Variants in TP53BP1 observed in about 807,000 individuals in gnomAD.
TP53BP1 encodes the protein tumor protein p53 binding protein 1.
TP53BP1 carries 61 observed loss-of-function variants against 200.8 expected under a neutral mutation model. The observed-to-expected ratio is 0.30, with a 90% CI of 0.25 to 0.38. The LOEUF (loss-of-function observed/expected upper bound fraction) is 0.38, where lower values mean the gene tolerates loss of function less well. Among genes scored for constraint, TP53BP1 ranks in the 10% least tolerant of loss-of-function variants. TP53BP1 has a pLI of 1.00. For missense variants in TP53BP1, 2,144 were observed against 2,371.9 expected, an observed-to-expected ratio of 0.90 and a Z score of 2.00; for synonymous variants, 822 against 844.3, an observed-to-expected ratio of 0.97 and a Z score of 0.46.
intron 18 of TP53BP1, among the ~76,000 whole-genome samples, chr15:43,426,868 A>T (rs77174164): frequency 2.6e-5 from 4 of 151,188 alleles, no homozygotes; most frequent in African/African-American, 4.9e-5. Flanking sequence ...AAAAAAAAAA[A>T]TTAGCCAGGC....
At chr15:43,432,750 CAT>C in intron 16 of TP53BP1, 73 bp from the exon 17 acceptor site, 2 of 1,483,206 alleles carry the variant, frequency 1.3e-6, no homozygotes, top group South Asian at 1.3e-5. Context: ...TGTGCGTGTG[CAT>C]GTGTGTGTGT....
At chr15:43,423,702 C>T (rs1290867140) in intron 18 of TP53BP1, among the ~76,000 whole-genome samples, 1 of 151,568 alleles carries the variant, frequency 6.6e-6, no homozygotes, top group Admixed American at 6.6e-5. Flanking sequence ...TATAATGACA[C>T]ACATACATAT....
chr15:43,480,181 G>A (rs1595612025), intron 5 of TP53BP1, among the ~76,000 whole-genome samples, 164 bp from the exon 6 acceptor site: 1 of 152,218 alleles, frequency 6.6e-6, no homozygotes, highest in East Asian at 1.9e-4. Flanking sequence ...GAGCACGGTG[G>A]CTCACACCTA....
intron 11 of TP53BP1, among the ~76,000 whole-genome samples, chr15:43,465,564 G>GA (rs1053797009): frequency 6.6e-6 from 1 of 151,972 alleles, no homozygotes; most frequent in East Asian, 1.9e-4. Context: ...GAAGAACAGA[G>GA]AAAACAAAGG....
chr15:43,429,736 C>A (rs1474697595), intron 17 of TP53BP1, among the ~76,000 whole-genome samples: 1 of 152,156 alleles, frequency 6.6e-6, no homozygotes, highest in Non-Finnish European at 1.5e-5. Flanking sequence ...ATTTAAAATA[C>A]TTCTACATAC....
Position 43,475,352 on chromosome 15 carries a change from A to C in TP53BP1, c.1085+213T>G, listed in dbSNP as rs542716672. On this transcript the variant is annotated intron_variant, in intron 9 of 27. Coordinates refer to ENST00000382044, the MANE Select transcript of TP53BP1 (RefSeq NM_001141980.3). ...TAACTGCGCCTTTTCTTTCTTAGTGAAACGTTTGGGCTACTATTATAAAAT... is the reference window on the plus strand; with the variant it reads ...TAACTGCGCCTTTTCTTTCTTAGTGCAACGTTTGGGCTACTATTATAAAAT... Among the ~76,000 whole-genome samples the C allele has an allele frequency of 3.2e-4, 49 of 152,338 alleles. 1 individual carries two copies. The highest frequency in any genetic ancestry group is 1.1e-3 in the African/African-American group (46 of 41,576).
At chr15:43,481,299 G>A (rs761274046) in intron 4 of TP53BP1, among the ~76,000 whole-genome samples, 5 of 152,036 alleles carry the variant, frequency 3.3e-5, no homozygotes, top group Admixed American at 6.6e-5. Flanking sequence ...GAGAATTACT[G>A]ACAAGTGACA....
At chr15:43,477,395 A>G (rs2078899918) in intron 8 of TP53BP1, among the ~76,000 whole-genome samples, 198 bp downstream of exon 8, 1 of 152,226 alleles carries the variant, frequency 6.6e-6, no homozygotes, top group Non-Finnish European at 1.5e-5. Flanking sequence ...CAAAAGAGAG[A>G]AAATTATGTC....
rs1408789161 is a variant in TP53BP1, at chr15:43,456,175, T to C, written c.2433A>G (p.Glu811=). Residue 811 remains glutamate, a synonymous_variant, in exon 12 of 28, where the codon GAA becomes GAG. Transcript: ENST00000382044. Reference sequence around the variant, plus strand: ...CTCCTTCATATTCTACACTCTTTTCTTCCTTGGTGTCTAATCTATTCTCAG... The same window carrying C: ...CTCCTTCATATTCTACACTCTTTTCCTCCTTGGTGTCTAATCTATTCTCAG... ...PCAENRLDTK[E]EKSVEYEGDL... 6.2e-7 allele frequency: 1 copy of C among 1,614,236 alleles called. No individual in the cohort carries two copies. Among genetic ancestry groups the C allele is most frequent in the African/African-American group, 1.3e-5 (1 of 75,076 alleles).
In TP53BP1 at chr15:43,421,932, T is replaced by C; in HGVS notation, c.4023A>G (p.Pro1341=). 6.2e-7 allele frequency: 1 copy of C among 1,614,152 alleles called. No individual in the cohort carries two copies. The highest frequency in any genetic ancestry group is 8.5e-7 in the Non-Finnish European group (1 of 1,180,028). Residue 1341 remains proline (P), a synonymous_variant, in exon 19 of 28, where the codon CCA becomes CCG. Coordinates refer to ENST00000382044, the MANE Select transcript of TP53BP1 (RefSeq NM_001141980.3). ...SSGSSGKGAG[P]LRGKTSGTEP... ...CTGTCCCGCTGGTTTTCCCTCTGAGTGGTCCGGCTCCTTTCCCTGAGCTTC... is the reference window on the plus strand; with the variant it reads ...CTGTCCCGCTGGTTTTCCCTCTGAGCGGTCCGGCTCCTTTCCCTGAGCTTC...
At position 43,406,220 on chromosome 15, in the gene TP53BP1, A is replaced by C. The variant is rs532543669; in HGVS notation, c.*1163T>G. 5.8e-6 allele frequency: 1 copy of C among 171,144 alleles called. No individual in the cohort carries two copies. The highest frequency in any genetic ancestry group is 2.6e-3 in the Middle Eastern group (1 of 378). The allele number at this position is 171,144 out of a possible 1,614,324, so 10.6% of individuals were successfully genotyped here. On this transcript the variant is annotated 3_prime_UTR_variant, in exon 28 of 28. Transcript: ENST00000382044. The stretch of plus-strand genomic sequence containing the variant: ...GGCCCAGCCATCACTGGTAATCAAT[A>C]TTCATATCAGTGTAAGTAAAAAGAA...
In TP53BP1 at chr15:43,404,926, T is replaced by C; in HGVS notation, c.*2457A>G. On this transcript the variant is annotated 3_prime_UTR_variant, in exon 28 of 28. Coordinates refer to ENST00000382044, the MANE Select transcript of TP53BP1 (RefSeq NM_001141980.3). Reference sequence around the variant, plus strand: ...TGTGAAAGGAGGCGACCACCCCTTCTAACTCTAAACTTTAAAAAAAACTGA... The same window carrying C: ...TGTGAAAGGAGGCGACCACCCCTTCCAACTCTAAACTTTAAAAAAAACTGA... 1.9e-6 allele frequency: 1 copy of C among 524,502 alleles called. No homozygotes were observed. The allele number at this position is 524,502 out of a possible 1,614,324, so 32.5% of individuals were successfully genotyped here. A position where few individuals can be genotyped will look rare whatever the true frequency, so the allele number is the denominator to read the frequency against.
At chr15:43,439,049 G>A (rs1287095733) in intron 15 of TP53BP1, among the ~76,000 whole-genome samples, 1 of 152,154 alleles carries the variant, frequency 6.6e-6, no homozygotes, top group East Asian at 1.9e-4. Flanking sequence ...ATTCAGTAGG[G>A]AGGGGGGTGC....
chr15:43,508,697 G>T (rs140639409), intron 1 of TP53BP1, among the ~76,000 whole-genome samples: 1 of 152,276 alleles, frequency 6.6e-6, no homozygotes, highest in African/African-American at 2.4e-5. Flanking sequence ...GGAATGGCTG[G>T]AATACTGTTA....
At chr15:43,442,082 ATTTTTTTT>A (rs1158826286) in intron 14 of TP53BP1, among the ~76,000 whole-genome samples, 1 of 123,522 alleles carries the variant, frequency 8.1e-6, no homozygotes, top group Non-Finnish European at 1.7e-5. Context: ...ATTTGTTTTA[ATTTTTTTT>A]TTTTTTTTTT....
At chr15:43,415,541 C>A in intron 23 of TP53BP1, 53 bp downstream of exon 23, 1 of 1,584,192 alleles carries the variant, frequency 6.3e-7, no homozygotes, top group African/African-American at 1.3e-5. Flanking sequence ...CAGCAGCTGA[C>A]CCTGCATTCT....
intron 5 of TP53BP1, among the ~76,000 whole-genome samples, chr15:43,480,404 C>T (rs912155718): frequency 1.5e-4 from 23 of 151,998 alleles, no homozygotes; most frequent in South Asian, 4.2e-4. Flanking sequence ...GCCAAGATTG[C>T]GCCACTGCAC....
intron 27 of TP53BP1, 66 bp from the exon 28 acceptor site, chr15:43,407,636 G>C: frequency 6.8e-7 from 1 of 1,465,666 alleles, no homozygotes; most frequent in Non-Finnish European, 9.3e-7. Context: ...TAGAAAGAGA[G>C]ATTTGATTCT....
At chr15:43,492,768 C>G (rs903866049) in intron 1 of TP53BP1, among the ~76,000 whole-genome samples, 44 of 150,108 alleles carry the variant, frequency 2.9e-4, no homozygotes, top group African/African-American at 1.0e-3. Context: ...TTCCATCCCC[C>G]CCGCCACGTC....
Sources: gnomAD v4.1 joint callset for allele counts (sites outside exome capture counted in the v4.1 genomes callset) on GRCh38, gnomAD v4.1.1 for gene constraint, MANE v1.5 for transcripts, NCBI Gene and HGNC (gene_info 2026-07-23, HGNC 2026-07-21) for gene names.